Variants in VPS13B observed in about 807,000 individuals in gnomAD.
The protein encoded by VPS13B is vacuolar protein sorting 13 homolog B.
A neutral mutation model predicts 426.4 loss-of-function variants in VPS13B; 285 were observed. That is an observed-to-expected ratio of 0.67 (90% CI 0.61 to 0.74). The LOEUF (loss-of-function observed/expected upper bound fraction) is 0.74. Among genes scored for constraint, VPS13B ranks in the 30% least tolerant of loss-of-function variants. The probability of loss-of-function intolerance (pLI) is 0.00; values close to 1 mark genes in which losing one functional copy is unlikely to be tolerated. For missense variants in VPS13B, 4,537 were observed against 4,782.6 expected, an observed-to-expected ratio of 0.95 and a Z score of 1.51; for synonymous variants, 1,676 against 1,676.4, an observed-to-expected ratio of 1.00 and a Z score of 0.01.
At chr8:99,412,789 G>C (rs1815759601) in intron 21 of VPS13B, among the ~76,000 whole-genome samples, 1 of 152,134 alleles carries the variant, frequency 6.6e-6, no homozygotes, top group African/African-American at 2.4e-5. Context: ...AAGGGGTGTT[G>C]AATTTTATTG....
chr8:99,798,709 T>C (rs1410351993), intron 43 of VPS13B, among the ~76,000 whole-genome samples: 1 of 152,190 alleles, frequency 6.6e-6, no homozygotes, highest in Non-Finnish European at 1.5e-5. Flanking sequence ...ATCTCAGATA[T>C]TGAAATATAG....
At chr8:99,554,622 A>G (rs1157099082) in intron 30 of VPS13B, among the ~76,000 whole-genome samples, 2 of 152,124 alleles carry the variant, frequency 1.3e-5, no homozygotes, top group African/African-American at 4.8e-5. Flanking sequence ...GTATTATTAT[A>G]TTTACAAGCA....
Position 99,848,803 on chromosome 8 carries a change from G to A in VPS13B, c.9970G>A (p.Val3324Met). 6.2e-7 allele frequency: 1 copy of A among 1,614,102 alleles called. No individual in the cohort carries two copies. Among genetic ancestry groups the A allele is most frequent in the Non-Finnish European group, 8.5e-7 (1 of 1,179,994 alleles). Residue 3324 changes from valine to methionine, a missense_variant, in exon 55 of 62, where the codon GTG (valine) becomes ATG (methionine). Val to Met is a conservative substitution (Grantham distance 21). Around this residue, in one of 2 missense-constraint regions of VPS13B, gnomAD observed 4,311 missense variants for 4,474.3 expected, o/e 0.96. Transcript: ENST00000357162. Reference protein sequence around the residue: ...QVVFLTGFGYVYVDVVHQCGT... With the variant: ...QVVFLTGFGYMYVDVVHQCGT... The stretch of plus-strand genomic sequence containing the variant: ...TGTGTTCCTGACTGGCTTTGGCTAT[G>A]TGTATGTGGATGTTGTACATCAGTG...
At chr8:99,134,004 A>G (rs921517221) in intron 8 of VPS13B, among the ~76,000 whole-genome samples, 1 of 152,200 alleles carries the variant, frequency 6.6e-6, no homozygotes, top group African/African-American at 2.4e-5. Context: ...AAAAAGTGCA[A>G]TATCTGCGAA....
intron 33 of VPS13B, among the ~76,000 whole-genome samples, chr8:99,641,087 A>G (rs970248341): frequency 3.3e-5 from 5 of 152,202 alleles, no homozygotes; most frequent in Non-Finnish European, 2.9e-5. Flanking sequence ...TCTTTGTTCT[A>G]TACATGGGGA....
intron 33 of VPS13B, among the ~76,000 whole-genome samples, chr8:99,634,384 TG>T (rs1203856046): frequency 3.3e-5 from 5 of 152,026 alleles, no homozygotes; most frequent in Non-Finnish European, 5.9e-5. Context: ...ACTATCTGCA[TG>T]CTGCTTTTAT....
chr8:99,280,668 A>G (rs1202110655), intron 19 of VPS13B, among the ~76,000 whole-genome samples: 5 of 152,054 alleles, frequency 3.3e-5, no homozygotes, highest in African/African-American at 1.2e-4. Flanking sequence ...CCTTCTGCAT[A>G]TATCTACCAC....
chr8:99,099,864 A>C (rs561705601), intron 4 of VPS13B, among the ~76,000 whole-genome samples: 1 of 152,304 alleles, frequency 6.6e-6, no homozygotes, highest in East Asian at 1.9e-4. Context: ...AGAGGTAGAT[A>C]ATAAGAATTT....
At chr8:99,038,024 A>G (rs1371082003) in intron 2 of VPS13B, among the ~76,000 whole-genome samples, 1 of 152,198 alleles carries the variant, frequency 6.6e-6, no homozygotes, top group South Asian at 2.1e-4. Flanking sequence ...TACTGCTGCT[A>G]TATACTGTTG....
At chr8:99,566,445 C>T (rs1825192383) in intron 31 of VPS13B, among the ~76,000 whole-genome samples, 1 of 145,542 alleles carries the variant, frequency 6.9e-6, no homozygotes, top group Non-Finnish European at 1.5e-5. Context: ...TTTTCTTCTT[C>T]TTTTTTTTTT....
chr8:99,633,544 A>T (rs1344226291), intron 33 of VPS13B, among the ~76,000 whole-genome samples: 1 of 152,044 alleles, frequency 6.6e-6, no homozygotes, highest in Non-Finnish European at 1.5e-5. Flanking sequence ...TCCAACTCAG[A>T]CACAATTGTA....
intron 6 of VPS13B, among the ~76,000 whole-genome samples, chr8:99,112,703 A>G (rs1241572093): frequency 6.6e-6 from 1 of 152,208 alleles, no homozygotes; most frequent in Non-Finnish European, 1.5e-5. Flanking sequence ...TTGAAGATAC[A>G]TTGAAAGCAA....
At chr8:99,225,434 G>A (rs1457657358) in intron 17 of VPS13B, among the ~76,000 whole-genome samples, 2 of 151,888 alleles carry the variant, frequency 1.3e-5, no homozygotes, top group East Asian at 1.9e-4. Context: ...CCACCACCAC[G>A]CCCGGCTAAT....
chr8:99,743,519 A>G (rs1044005110), intron 39 of VPS13B, among the ~76,000 whole-genome samples: 52 of 152,304 alleles, frequency 3.4e-4, no homozygotes, highest in Admixed American at 3.1e-3. Context: ...CGCCAAGTCA[A>G]TCCTAAGCCA....
At chr8:99,740,238 A>G (rs991366419) in intron 39 of VPS13B, among the ~76,000 whole-genome samples, 112 of 152,340 alleles carry the variant, frequency 7.4e-4, no homozygotes, top group African/African-American at 2.6e-3. Context: ...GGAAGATCAA[A>G]TGAATGAAAT....
chr8:99,848,331 C>T (rs1262574993), intron 54 of VPS13B, among the ~76,000 whole-genome samples: 3 of 152,124 alleles, frequency 2.0e-5, no homozygotes, highest in East Asian at 1.9e-4. Flanking sequence ...TTTTTGTGTC[C>T]CTAGCCCAGA....
chr8:99,749,762 T>G (rs776910076), intron 39 of VPS13B, among the ~76,000 whole-genome samples: 10 of 152,124 alleles, frequency 6.6e-5, no homozygotes, highest in Non-Finnish European at 1.2e-4. Flanking sequence ...TACCTAGCAG[T>G]AGCATTGCTG....
intron 19 of VPS13B, among the ~76,000 whole-genome samples, chr8:99,289,652 A>G (rs1456837788): frequency 6.6e-6 from 1 of 152,134 alleles, no homozygotes; most frequent in African/African-American, 2.4e-5. Flanking sequence ...TTAGTGAATA[A>G]TCTTTTCAGG....
At chr8:99,695,713 C>T (rs1461343612) in intron 35 of VPS13B, among the ~76,000 whole-genome samples, 2 of 142,778 alleles carry the variant, frequency 1.4e-5, no homozygotes, top group Non-Finnish European at 3.1e-5. Flanking sequence ...AAAAAAAAAA[C>T]TCCATACCAA....
Sources: gnomAD v4.1 joint callset for allele counts (sites outside exome capture counted in the v4.1 genomes callset) on GRCh38, gnomAD v4.1.1 for gene constraint, gnomAD v4.1.1 regional missense constraint, MANE v1.5 for transcripts, NCBI Gene and HGNC (gene_info 2026-07-23, HGNC 2026-07-21) for gene names.